Variants in CHRNA7 observed in about 807,000 individuals in gnomAD.
CHRNA7 encodes neuronal acetylcholine receptor subunit alpha-7.
Under a neutral mutation model 48.0 loss-of-function variants are expected in CHRNA7, and 17 were observed. That is an observed-to-expected ratio of 0.35 (90% confidence interval 0.24 to 0.53). The LOEUF is 0.53. Ranked by LOEUF, CHRNA7 falls within the 20% of genes least tolerant of loss-of-function variation. CHRNA7 has a pLI of 0.92. For synonymous variants in CHRNA7, 75 were observed against 242.3 expected (o/e 0.31, Z 6.41); for missense variants, 155 against 577.7 (o/e 0.27, Z 7.50).
chr15:32,094,083 C>T (rs1051259543), intron 2 of CHRNA7, among the ~76,000 whole-genome samples: 6 of 152,238 alleles, frequency 3.9e-5, no homozygotes, highest in South Asian at 2.1e-4. Context: ...TCAGGTTTAA[C>T]GGTACCGTCA....
At chr15:32,077,397 AT>A (rs1046048264) in intron 2 of CHRNA7, among the ~76,000 whole-genome samples, 4 of 152,056 alleles carry the variant, frequency 2.6e-5, no homozygotes, top group South Asian at 2.1e-4. Context: ...TGCCTGTACC[AT>A]TTTCTGTTCT....
intron 2 of CHRNA7, among the ~76,000 whole-genome samples, chr15:32,054,069 G>T (rs2049741230): frequency 6.6e-6 from 1 of 152,234 alleles, no homozygotes; most frequent in African/African-American, 2.4e-5. Flanking sequence ...AGGACTTAGA[G>T]AGGGAGGAGA....
intron 2 of CHRNA7, among the ~76,000 whole-genome samples, chr15:32,042,347 T>C (rs2049464577): frequency 6.6e-6 from 1 of 152,162 alleles, no homozygotes; most frequent in South Asian, 2.1e-4. Flanking sequence ...CCCGGAGGGT[T>C]AGACTCTGGT....
chr15:32,107,268 T>C (rs1282596307), intron 3 of CHRNA7, among the ~76,000 whole-genome samples: 1 of 152,094 alleles, frequency 6.6e-6, no homozygotes, highest in African/African-American at 2.4e-5. Flanking sequence ...CAGTCTCACT[T>C]CAGATACCAG....
chr15:32,101,396 C>G (rs369729079), intron 3 of CHRNA7, 49 bp downstream of exon 3: 8 of 1,535,236 alleles, frequency 5.2e-6, no homozygotes, highest in Non-Finnish European at 5.3e-6. Context: ...AGATCTTGCA[C>G]CCAAGATTCT....
At chr15:32,056,575 A>T in intron 2 of CHRNA7, among the ~76,000 whole-genome samples, 1 of 152,292 alleles carries the variant, frequency 6.6e-6, no homozygotes, top group Middle Eastern at 3.4e-3. Context: ...GGTAATGGAA[A>T]TTTTTAATAT....
chr15:32,068,126 A>G (rs1228742462), intron 2 of CHRNA7, among the ~76,000 whole-genome samples: 1 of 152,074 alleles, frequency 6.6e-6, no homozygotes, highest in Non-Finnish European at 1.5e-5. Flanking sequence ...AGCCTGGGTT[A>G]CAGAGTGAGG....
chr15:32,139,879 A>G (rs1198626627), intron 4 of CHRNA7, among the ~76,000 whole-genome samples: 1 of 152,134 alleles, frequency 6.6e-6, no homozygotes, highest in Non-Finnish European at 1.5e-5. Context: ...TTTACAGGCA[A>G]GTTCCACCCA....
intron 2 of CHRNA7, among the ~76,000 whole-genome samples, chr15:32,068,766 AG>A (rs2050007031): frequency 6.6e-6 from 1 of 152,150 alleles, no homozygotes; most frequent in African/African-American, 2.4e-5. Flanking sequence ...GACTAAAAAG[AG>A]CATTTCATTG....
intron 4 of CHRNA7, among the ~76,000 whole-genome samples, chr15:32,141,482 G>T (rs2051377779): frequency 6.6e-6 from 1 of 152,122 alleles, no homozygotes; most frequent in African/African-American, 2.4e-5. Context: ...GCTTGATGGG[G>T]ATGGCATTGA....
chr15:32,138,731 A>ATGTTTTGTTT (rs56884132), intron 4 of CHRNA7, among the ~76,000 whole-genome samples: 25,332 of 146,086 alleles, frequency 0.17, 3,418 homozygotes, highest in African/African-American at 0.36. Context: ...TTGACCTGTT[A>ATGTTTTGTTT]TGTTTTGTTT....
chr15:32,108,531 G>T (rs560066193), intron 3 of CHRNA7, among the ~76,000 whole-genome samples: 1 of 152,162 alleles, frequency 6.6e-6, no homozygotes, highest in Non-Finnish European at 1.5e-5. Context: ...TGTTTGTAGG[G>T]CCTTATTCCA....
chr15:32,149,337 C>CACTGTT lies in CHRNA7; in HGVS notation c.351-4569_351-4564dup, dbSNP rs560746784. On this transcript the variant is annotated intron_variant, in intron 4 of 9. Coordinates refer to ENST00000306901, the MANE Select transcript of CHRNA7 (RefSeq NM_000746.6). This position sits in a 1 kb window ranked among gnomAD's most constrained non-coding sequence, Gnocchi z 4.6. ...GGCTGCCCAGCACTGGTGAGGGGGT[C>CACTGTT]ACTGTTGGCTGGCATCTGTCGGGCA... Among the ~76,000 whole-genome samples, 13 of 152,152 alleles carry CACTGTT rather than the reference C, an allele frequency of 8.5e-5. No individual in the cohort carries two copies. The highest frequency in any genetic ancestry group is 1.8e-4 in the Non-Finnish European group (12 of 68,036).
intron 4 of CHRNA7, among the ~76,000 whole-genome samples, chr15:32,134,849 G>A (rs1480689832): frequency 6.6e-6 from 1 of 152,192 alleles, no homozygotes; most frequent in Non-Finnish European, 1.5e-5. Context: ...GACAGTGGAG[G>A]CATAGAATGT....
intron 4 of CHRNA7, among the ~76,000 whole-genome samples, chr15:32,114,077 C>CATATATAGATATAT (rs781409368): frequency 6.4e-5 from 6 of 93,824 alleles, no homozygotes; most frequent in Non-Finnish European, 1.1e-4. Context: ...TATATATATA[C>CATATATAGATATAT]ACATACATAC....
At chr15:32,138,847 G>T (rs1364762887) in intron 4 of CHRNA7, among the ~76,000 whole-genome samples, 2 of 152,004 alleles carry the variant, frequency 1.3e-5, no homozygotes, top group Non-Finnish European at 2.9e-5. Context: ...TCCACGTCCC[G>T]GGTTCAAGCG....
intron 2 of CHRNA7, among the ~76,000 whole-genome samples, chr15:32,049,774 GCA>G (rs2049630349): frequency 1.3e-5 from 2 of 152,192 alleles, no homozygotes; most frequent in African/African-American, 4.8e-5. Flanking sequence ...TGATTTTGCA[GCA>G]GCTAGTACCG....
rs765144098 is a variant in CHRNA7, at chr15:32,111,851, G to A, written c.302G>A (p.Arg101His). 9.3e-6 allele frequency: 15 copies of A among 1,613,682 alleles called. No homozygotes were observed. The highest frequency in any genetic ancestry group is 4.4e-5 in the South Asian group (4 of 91,070). The part of the protein sequence containing the change: ...VSEYPGVKTV[R>H]FPDGQIWKPD... ...GAATATCCAGGGGTGAAGACTGTTC[G>A]TTTCCCAGATGGCCAGATTTGGAAA... Residue 101 changes from arginine to histidine, a missense_variant, in exon 4 of 10, where the codon CGT becomes CAT. By Grantham distance (29) the Arg-to-His change is conservative. Coordinates refer to ENST00000306901, the MANE Select transcript of CHRNA7 (RefSeq NM_000746.6).
chr15:32,046,593 C>T (rs77963746), intron 2 of CHRNA7, among the ~76,000 whole-genome samples: 39,799 of 151,564 alleles, frequency 0.26, 6,371 homozygotes, highest in East Asian at 0.6. Context: ...GAGTAGGTCG[C>T]GAAAAGTTTC....
Sources: allele counts gnomAD v4.1 joint callset (sites outside exome capture counted in the v4.1 genomes callset), GRCh38; gene constraint gnomAD v4.1.1; non-coding constraint Gnocchi (gnomAD v3.1); transcripts MANE v1.5; gene names NCBI Gene and HGNC (gene_info 2026-07-23, HGNC 2026-07-21).